Variants in ENTREP2 observed in about 807,000 individuals in gnomAD.
The protein encoded by ENTREP2 is endosomal transmembrane epsin interactor 2.
At chr15:29,449,004 T>C in the ENTREP2 span, among the ~76,000 whole-genome samples, 3 of 152,270 alleles carry the variant, frequency 2.0e-5, no homozygotes, top group South Asian at 6.2e-4. Context: ...ATGGAGCACC[T>C]CCTTCCTTAG....
At chr15:29,351,024 T>C in the ENTREP2 span, among the ~76,000 whole-genome samples, 3 of 152,178 alleles carry the variant, frequency 2.0e-5, no homozygotes, top group African/African-American at 7.2e-5. Context: ...CAGTCACAAG[T>C]CACTTAATGA....
At chr15:29,278,083 G>A in the ENTREP2 span, among the ~76,000 whole-genome samples, 1 of 152,176 alleles carries the variant, frequency 6.6e-6, no homozygotes, top group Non-Finnish European at 1.5e-5. Context: ...GTCCTGGGGA[G>A]CTGGGTTTAC....
chr15:29,224,069 T>G, the ENTREP2 span, among the ~76,000 whole-genome samples: 1 of 152,192 alleles, frequency 6.6e-6, no homozygotes, highest in African/African-American at 2.4e-5. Flanking sequence ...TTACAGTTCT[T>G]AAAGACACCG....
At chr15:29,552,728 C>G in the ENTREP2 span, among the ~76,000 whole-genome samples, 760 of 152,102 alleles carry the variant, frequency 5.0e-3, 7 homozygotes, top group African/African-American at 0.017. Flanking sequence ...TACACGTCTA[C>G]AAAACAAGAG....
At chr15:29,190,369 A>C in the ENTREP2 span, among the ~76,000 whole-genome samples, 3 of 152,278 alleles carry the variant, frequency 2.0e-5, no homozygotes, top group African/African-American at 7.2e-5. Flanking sequence ...TAAAAAAAAA[A>C]AACAGAGAAT....
the ENTREP2 span, among the ~76,000 whole-genome samples, chr15:29,596,435 C>T: frequency 1.3e-5 from 2 of 152,042 alleles, no homozygotes; most frequent in Non-Finnish European, 2.9e-5. Context: ...TATACGTGTA[C>T]GGTGGTTTCA....
the ENTREP2 span, among the ~76,000 whole-genome samples, chr15:29,586,023 T>G: frequency 2.1e-3 from 317 of 152,282 alleles, no homozygotes; most frequent in African/African-American, 6.5e-3. Context: ...TATACAAATA[T>G]TGACAGCACT....
At chr15:29,130,501 C>T in the ENTREP2 span, among the ~76,000 whole-genome samples, 15 of 152,122 alleles carry the variant, frequency 9.9e-5, no homozygotes, top group Admixed American at 8.5e-4. Context: ...GGATCGTAGA[C>T]GGGTGGTTAA....
the ENTREP2 span, among the ~76,000 whole-genome samples, chr15:29,362,775 T>C: frequency 6.6e-6 from 1 of 152,350 alleles, no homozygotes; most frequent in South Asian, 2.1e-4. Context: ...TAAAAGAGTT[T>C]ATACTTCCAA....
chr15:29,442,687 G>A, the ENTREP2 span, among the ~76,000 whole-genome samples: 1 of 152,150 alleles, frequency 6.6e-6, no homozygotes, highest in Admixed American at 6.5e-5. Context: ...CTGATTGGAG[G>A]GCACATCAAT....
chr15:29,654,795 C>T, the ENTREP2 span, among the ~76,000 whole-genome samples: 2 of 152,202 alleles, frequency 1.3e-5, no homozygotes, highest in East Asian at 1.9e-4. Flanking sequence ...TATACACTAG[C>T]AGAGCAAGGT....
the ENTREP2 span, among the ~76,000 whole-genome samples, chr15:29,264,267 C>A: frequency 4.0e-5 from 6 of 151,818 alleles, no homozygotes; most frequent in Non-Finnish European, 7.4e-5. Context: ...CTCCCACTGG[C>A]CAAATCAGGG....
At chr15:29,609,100 C>T in the ENTREP2 span, among the ~76,000 whole-genome samples, 27 of 150,306 alleles carry the variant, frequency 1.8e-4, no homozygotes, top group Non-Finnish European at 3.7e-4. Flanking sequence ...TTTATATATG[C>T]TAGGTTAGTG....
At chr15:29,256,609 GT>G in the ENTREP2 span, among the ~76,000 whole-genome samples, 2 of 152,144 alleles carry the variant, frequency 1.3e-5, no homozygotes, top group East Asian at 3.9e-4. Context: ...AAATTATGGT[GT>G]TTTAAACTCA....
the ENTREP2 span, among the ~76,000 whole-genome samples, chr15:29,241,448 A>G: frequency 6.6e-6 from 1 of 152,222 alleles, no homozygotes; most frequent in East Asian, 1.9e-4. Context: ...AAATGGATAC[A>G]TCATAAAGCA....
At chr15:29,512,692 C>T in the ENTREP2 span, among the ~76,000 whole-genome samples, 1 of 152,336 alleles carries the variant, frequency 6.6e-6, no homozygotes, top group African/African-American at 2.4e-5. Flanking sequence ...TCACCAGGAA[C>T]TGAATCTGCA....
the ENTREP2 span, among the ~76,000 whole-genome samples, chr15:29,634,293 G>A: frequency 6.6e-6 from 1 of 152,012 alleles, no homozygotes; most frequent in Non-Finnish European, 1.5e-5. Flanking sequence ...TCACCCTTTG[G>A]TGCTGGCTCC....
chr15:29,240,754 G>C, the ENTREP2 span, among the ~76,000 whole-genome samples: 1 of 152,180 alleles, frequency 6.6e-6, no homozygotes, highest in African/African-American at 2.4e-5. Flanking sequence ...GCACAGGTTG[G>C]AATCTGATGC....
chr15:29,262,926 G>A, the ENTREP2 span, among the ~76,000 whole-genome samples: 6 of 152,200 alleles, frequency 3.9e-5, no homozygotes, highest in African/African-American at 7.2e-5. Context: ...TGCTTCCTCC[G>A]TAGGGGAAAC....
Sources: gnomAD v4.1 joint callset for allele counts (sites outside exome capture counted in the v4.1 genomes callset) on GRCh38, gnomAD v4.1.1 for gene constraint, MANE v1.5 for transcripts, NCBI Gene and HGNC (gene_info 2026-07-23, HGNC 2026-07-21) for gene names.